SH3BP2: variants seen among roughly 807,000 people sequenced by gnomAD.
SH3BP2 encodes SH3 domain binding protein 2, also known as SH3 domain-binding protein 2.
A neutral mutation model predicts 56.2 loss-of-function variants in SH3BP2; 38 were observed. That is an observed-to-expected ratio of 0.68 (90% confidence interval 0.52 to 0.89). The LOEUF (loss-of-function observed/expected upper bound fraction) is 0.89, where lower values mean the gene tolerates loss of function less well. Among genes scored for constraint, SH3BP2 ranks in the 40% least tolerant of loss-of-function variants. The pLI is 0.00. For synonymous variants in SH3BP2, 346 were observed against 316.7 expected (o/e 1.09, Z -0.98); for missense variants, 748 against 762.6 (o/e 0.98, Z 0.23).
chr4:2,802,098 C>G (rs1231925859), intron 1 of SH3BP2, among the ~76,000 whole-genome samples: 1 of 148,468 alleles, frequency 6.7e-6, no homozygotes, highest in African/African-American at 2.5e-5. Flanking sequence ...ACAGAGAGAC[C>G]TGATCTCAAA....
chr4:2,800,508 C>T (rs559220760), intron 1 of SH3BP2, among the ~76,000 whole-genome samples: 8 of 152,048 alleles, frequency 5.3e-5, no homozygotes, highest in East Asian at 1.9e-4. Flanking sequence ...CAGAGTCTTA[C>T]TGCCACCCGA....
At position 2,827,266 on chromosome 4, in the gene SH3BP2, A is replaced by G; in HGVS notation, c.465A>G (p.Ala155=). The G allele has an allele frequency of 1.2e-6, 2 of 1,614,204 alleles. No individual in the cohort carries two copies. Among genetic ancestry groups the G allele is most frequent in the Non-Finnish European group, 1.7e-6 (2 of 1,180,032 alleles). The change falls in exon 6 of 13, where the codon GCA becomes GCG. Residue 155 remains alanine, a synonymous_variant. Coordinates refer to ENST00000503393, the MANE Select transcript of SH3BP2 (RefSeq NM_001122681.2). ...CGGACACAGACAGCTTCTACGGCGCAGTTGAGCGGCCTGTGGATATCAGCC... is the reference window on the plus strand; with the variant it reads ...CGGACACAGACAGCTTCTACGGCGCGGTTGAGCGGCCTGTGGATATCAGCC... ...SSSDTDSFYG[A]VERPVDISLS...
intron 7 of SH3BP2, among the ~76,000 whole-genome samples, chr4:2,828,935 C>T (rs571100431): frequency 1.3e-5 from 2 of 152,282 alleles, no homozygotes; most frequent in South Asian, 4.1e-4. Context: ...GGACTCAGAC[C>T]TCACTCCTCT....
chr4:2,804,666 C>T (rs1042408108), intron 1 of SH3BP2, among the ~76,000 whole-genome samples: 1 of 152,238 alleles, frequency 6.6e-6, no homozygotes, highest in Non-Finnish European at 1.5e-5. Context: ...GGCCCACCCC[C>T]ACTGTCCTTA....
At position 2,818,380 on chromosome 4, in the gene SH3BP2, G is replaced by C. The variant is rs1019048071; in HGVS notation, c.-4-2234G>C. ...CCCGGGGAAGCCGGCCATGCCCGCCGCGTGGACGCCGTGAGTACCGAGCCC... is the reference window on the plus strand; with the variant it reads ...CCCGGGGAAGCCGGCCATGCCCGCCCCGTGGACGCCGTGAGTACCGAGCCC... On this transcript the variant is annotated intron_variant, in intron 1 of 12. Coordinates refer to ENST00000503393, the MANE Select transcript of SH3BP2 (RefSeq NM_001122681.2). 5.9e-6 allele frequency: 7 copies of C among 1,180,318 alleles called. No homozygotes were observed. In the African/African-American group the frequency reaches 9.6e-5, roughly 16 times the overall value. 73.1% of individuals were successfully genotyped at this position (1,180,318 alleles called of 1,614,324 possible). A position where few individuals can be genotyped will look rare whatever the true frequency, so the allele number is the denominator to read the frequency against.
chr4:2,798,941 C>A, intron 1 of SH3BP2: 2 of 971,338 alleles, frequency 2.1e-6, no homozygotes, highest in Non-Finnish European at 2.4e-6. Context: ...GAGGGTGTGC[C>A]CATCCAGCTG....
In SH3BP2 at chr4:2,838,695, C is replaced by T. The variant is rs1372876280; in HGVS notation, c.*4861C>T. The T allele has an allele frequency of 1.3e-5, 2 of 151,172 alleles. No homozygotes were observed. Among genetic ancestry groups the T allele is most frequent in the East Asian group, 1.9e-4 (1 of 5,196 alleles). 9.4% of individuals were successfully genotyped at this position (151,172 alleles called of 1,614,324 possible). A position where few individuals can be genotyped will look rare whatever the true frequency, so the allele number is the denominator to read the frequency against. On this transcript the variant is annotated 3_prime_UTR_variant, in exon 13 of 13. Transcript: ENST00000503393. Reference sequence around the variant, plus strand: ...TAGTGGTAGTGTATTTTATGCGTGACCCGAGACAGTTCTTCCGGTATGGTC... The same window carrying T: ...TAGTGGTAGTGTATTTTATGCGTGATCCGAGACAGTTCTTCCGGTATGGTC...
Position 2,838,666 on chromosome 4 carries a change from T to C in SH3BP2, c.*4832T>C, listed in dbSNP as rs145350139. 6.7e-6 allele frequency: 1 copy of C among 148,236 alleles called. No homozygotes were observed. The highest frequency in any genetic ancestry group is 1.5e-5 in the Non-Finnish European group (1 of 67,938). The allele number at this position is 148,236 out of a possible 1,614,324, so 9.2% of individuals were successfully genotyped here. On this transcript the variant is annotated 3_prime_UTR_variant, in exon 13 of 13. Coordinates refer to ENST00000503393, the MANE Select transcript of SH3BP2 (RefSeq NM_001122681.2). ...ATTTTTTTTTTTAGCTCATCAGCTATAGTTAGTGGTAGTGTATTTTATGCG... is the reference window on the plus strand; with the variant it reads ...ATTTTTTTTTTTAGCTCATCAGCTACAGTTAGTGGTAGTGTATTTTATGCG...
intron 1 of SH3BP2, among the ~76,000 whole-genome samples, chr4:2,801,111 C>T (rs1023297653): frequency 3.9e-5 from 6 of 152,118 alleles, no homozygotes; most frequent in South Asian, 2.1e-4. Context: ...CTGTCTTGAC[C>T]GCGGAGGACC....
At chr4:2,807,719 C>T (rs1222895648) in intron 1 of SH3BP2, among the ~76,000 whole-genome samples, 3 of 152,180 alleles carry the variant, frequency 2.0e-5, no homozygotes, top group East Asian at 1.9e-4. Flanking sequence ...CTCGCTGCTG[C>T]GCCGTGGTGA....
At chr4:2,830,210 A>G in intron 8 of SH3BP2, 63 bp downstream of exon 8, 2 of 1,466,578 alleles carry the variant, frequency 1.4e-6, no homozygotes, top group Non-Finnish European at 1.8e-6. Flanking sequence ...CTGGCCTCTG[A>G]CGGGCACTCT....
chr4:2,807,694 G>A (rs1359416306), intron 1 of SH3BP2, among the ~76,000 whole-genome samples: 1 of 152,160 alleles, frequency 6.6e-6, no homozygotes, highest in Non-Finnish European at 1.5e-5. Flanking sequence ...CCATCCACGT[G>A]GACAGGGAAC....
At chr4:2,818,208 G>T (rs1365656361) in intron 1 of SH3BP2, 61 of 987,546 alleles carry the variant, frequency 6.2e-5, no homozygotes, top group Non-Finnish European at 7.2e-5. Flanking sequence ...CGGCTGCCAG[G>T]CCAGGGCCGG....
chr4:2,795,622 C>T (rs1355353186), intron 1 of SH3BP2, among the ~76,000 whole-genome samples: 2 of 152,142 alleles, frequency 1.3e-5, no homozygotes, highest in Non-Finnish European at 1.5e-5. Context: ...CGCAGTGGAG[C>T]GGCTCCCACC....
chr4:2,826,773 G>A (rs1458020594), intron 5 of SH3BP2: 12 of 378,868 alleles, frequency 3.2e-5, no homozygotes, highest in East Asian at 1.4e-4. Flanking sequence ...GTGCGTGTCC[G>A]TGTGTCGCTC....
intron 7 of SH3BP2, among the ~76,000 whole-genome samples, chr4:2,828,297 C>T (rs538229085): frequency 2.6e-5 from 4 of 152,134 alleles, no homozygotes; most frequent in South Asian, 4.1e-4. Flanking sequence ...TCCCTGCGTC[C>T]GCCCTGCCTC....
intron 1 of SH3BP2, among the ~76,000 whole-genome samples, chr4:2,808,541 G>T (rs1295747468): frequency 6.6e-6 from 1 of 152,062 alleles, no homozygotes; most frequent in Non-Finnish European, 1.5e-5. Context: ...TATCCCAGTT[G>T]GGTAGTGCCC....
rs369843953 is a variant in SH3BP2 at position 2,823,042 on chromosome 4, G to A, written c.239+5G>A. On this transcript the variant is annotated splice_donor_5th_base_variant and intron_variant, in intron 3 of 12. Coordinates refer to ENST00000503393, the MANE Select transcript of SH3BP2 (RefSeq NM_001122681.2). ...CTCCCTGAGTGGCTATAACCGGTAA[G>A]TGCCCGACCTGCCTGCTGACCTCGG... The A allele has an allele frequency of 2.5e-6, 4 of 1,608,432 alleles. No individual in the cohort carries two copies. The highest frequency in any genetic ancestry group is 1.7e-6 in the Non-Finnish European group (2 of 1,175,298).
rs1724849958 is a variant in SH3BP2 at position 2,829,440 on chromosome 4, T to C, written c.587-53T>C. On this transcript the variant is annotated intron_variant, in intron 7 of 12. Transcript: ENST00000503393. This position sits in a 1 kb window ranked among gnomAD's most constrained non-coding sequence, Gnocchi z 4.9. ...CTGGCTGACCACTGCCAGCAGAGGA[T>C]AGTGTTGGCCCAGTCTCTGTCAGGG... is the stretch of plus-strand genomic sequence containing the variant. 7 of 1,587,684 alleles carry C rather than the reference T, an allele frequency of 4.4e-6. No homozygotes were observed. Among genetic ancestry groups the C allele is most frequent in the Non-Finnish European group, 6.1e-6 (7 of 1,156,754 alleles).
Sources: gnomAD v4.1 joint callset for allele counts (sites outside exome capture counted in the v4.1 genomes callset) on GRCh38, gnomAD v4.1.1 for gene constraint, Gnocchi (gnomAD v3.1) non-coding constraint, MANE v1.5 for transcripts, NCBI Gene and HGNC (gene_info 2026-07-23, HGNC 2026-07-21) for gene names.